KCTD2: variants seen among roughly 807,000 people sequenced by gnomAD.
The protein encoded by KCTD2 is BTB/POZ domain-containing protein KCTD2.
KCTD2 carries 18 observed loss-of-function variants against 27.9 expected under a neutral mutation model. That is an observed-to-expected ratio of 0.64 (90% CI 0.45 to 0.96). The LOEUF is 0.96. Among genes scored for constraint, KCTD2 ranks in the 40% least tolerant of loss-of-function variants. The pLI is 0.00. For synonymous variants in KCTD2, 175 were observed against 148.4 expected (o/e 1.18, Z -1.30); for missense variants, 280 against 348.0 (o/e 0.80, Z 1.56).
chr17:75,051,829 G>C lies in KCTD2; in HGVS notation c.449-1185G>C, dbSNP rs558586270. 3.3e-5 allele frequency among the ~76,000 whole-genome samples: 5 copies of C among 152,242 alleles called. No individual in the cohort carries two copies. The East Asian group carries it at 9.6e-4, about 29-fold the overall frequency. On this transcript the variant is annotated intron_variant, in intron 2 of 5. Transcript: ENST00000322444. ...GCTTTTATCTACAGCTTATATTGCA[G>C]TTTTGTCAGTTGTCCTAATAATGGC... is the stretch of plus-strand genomic sequence containing the variant.
At chr17:75,039,988 G>T in intron 3 of KCTD2, 5 of 1,186,780 alleles carry the variant, frequency 4.2e-6, no homozygotes, top group African/African-American at 1.5e-5. Context: ...CCTTTATATG[G>T]CTGTTAACTC....
chr17:75,050,437 A>G (rs1033100674), intron 2 of KCTD2, among the ~76,000 whole-genome samples: 1 of 151,742 alleles, frequency 6.6e-6, no homozygotes, highest in Non-Finnish European at 1.5e-5. Context: ...AATTTTTTGT[A>G]TTTTTAGTAG....
At position 75,059,584 on chromosome 17, in the gene KCTD2, C is replaced by T. The variant is rs1250592181; in HGVS notation, c.615C>T (p.Ser205=). Residue 205 remains serine, a synonymous_variant, in exon 4 of 6, where the codon TCC becomes TCT. Transcript: ENST00000322444. ...EELTQMVSTM[S]DGWKFEQLIS... The stretch of plus-strand genomic sequence containing the variant: ...TCACGCAGATGGTGTCCACGATGTC[C>T]GACGGCTGGAAATTCGAACAGGTAC... 7 of 1,613,884 alleles carry T rather than the reference C, an allele frequency of 4.3e-6. No individual in the cohort carries two copies. The highest frequency in any genetic ancestry group is 1.6e-4 in the Middle Eastern group (1 of 6,080).
At position 75,065,443 on chromosome 17, in the gene KCTD2, A is replaced by G. The variant is rs996675217; in HGVS notation, c.*2396A>G. The G allele has an allele frequency of 6.6e-6, 1 of 151,768 alleles. No homozygotes were observed. Among genetic ancestry groups the G allele is most frequent in the Non-Finnish European group, 1.5e-5 (1 of 68,010 alleles). The allele number at this position is 151,768 out of a possible 1,614,324, so 9.4% of individuals were successfully genotyped here. Reference sequence around the variant, plus strand: ...GGCTGTCACGTGACCAGTGACCCACACTCTCTGCTGCCCAGTACTGCCAAG... The same window carrying G: ...GGCTGTCACGTGACCAGTGACCCACGCTCTCTGCTGCCCAGTACTGCCAAG... On this transcript the variant is annotated 3_prime_UTR_variant, in exon 6 of 6. Transcript: ENST00000322444.
intron 3 of KCTD2, chr17:75,042,185 T>C: frequency 6.2e-7 from 1 of 1,613,832 alleles, no homozygotes; most frequent in Non-Finnish European, 8.5e-7. Context: ...TCTCACCTTC[T>C]TCTCAAAGTC....
At position 75,063,172 on chromosome 17, in the gene KCTD2, A is replaced by AC; in HGVS notation, c.*125_*126insC. ...GCACAGCTGATCCTGGCCCCCTGTG[A>AC]AGAAGTGTTCTGGTCAAAACTAAAG... On this transcript the variant is annotated 3_prime_UTR_variant, in exon 6 of 6. Coordinates refer to ENST00000322444, the MANE Select transcript of KCTD2 (RefSeq NM_015353.3). 7 of 934,428 alleles carry AC rather than the reference A, an allele frequency of 7.5e-6. No homozygotes were observed. In the South Asian group the frequency reaches 9.5e-5, roughly 13 times the overall value. 57.9% of individuals were successfully genotyped at this position (934,428 alleles called of 1,614,324 possible).
At chr17:75,045,222 G>A (rs1052137267), upstream of KCTD2, among the ~76,000 whole-genome samples, 4 of 152,210 alleles carry the variant, frequency 2.6e-5, no homozygotes, top group Non-Finnish European at 5.9e-5. Flanking sequence ...GTGGGTGACA[G>A]ACATCAAGTA....
chr17:75,041,488 G>A (rs1345371212), intron 3 of KCTD2: 2 of 151,508 alleles, frequency 1.3e-5, no homozygotes, highest in Non-Finnish European at 2.9e-5. Flanking sequence ...ATCAGGTGTG[G>A]TGGTGGCATG....
intron 2 of KCTD2, among the ~76,000 whole-genome samples, chr17:75,051,037 A>G (rs532394237): frequency 1.4e-5 from 2 of 143,300 alleles, no homozygotes; most frequent in East Asian, 4.2e-4. Flanking sequence ...GCAGTGGCGC[A>G]ATCTCGGCTC....
intron 4 of KCTD2, 106 bp from the exon 5 acceptor site, chr17:75,062,014 C>T: frequency 1.5e-6 from 2 of 1,327,530 alleles, no homozygotes; most frequent in Non-Finnish European, 1.1e-6. Flanking sequence ...AGAGTTAAAC[C>T]TTTGATAACT....
chr17:75,036,410 C>G (rs2040114486), intron 3 of KCTD2, among the ~76,000 whole-genome samples: 1 of 152,166 alleles, frequency 6.6e-6, no homozygotes, highest in Non-Finnish European at 1.5e-5. Flanking sequence ...CGTGAGCCAC[C>G]GCGCCCTGCC....
intron 1 of KCTD2, 37 bp from the exon 2 acceptor site, chr17:75,049,183 A>C (rs2073259872): frequency 7.7e-7 from 1 of 1,298,614 alleles, no homozygotes; most frequent in African/African-American, 1.5e-5. Flanking sequence ...AATACTCCTC[A>C]AAGGTCCACA....
intron 3 of KCTD2, chr17:75,039,679 G>A (rs2073138329): frequency 3.7e-6 from 1 of 266,810 alleles, no homozygotes; most frequent in Admixed American, 5.0e-5. Flanking sequence ...TACTACTTGG[G>A]TAATTTTTCT....
chr17:75,045,516 C>T (rs987312426), upstream of KCTD2, among the ~76,000 whole-genome samples: 8 of 152,242 alleles, frequency 5.3e-5, no homozygotes, highest in African/African-American at 1.9e-4. Flanking sequence ...GGGGCCAGTT[C>T]AGAGACCTAC....
Position 75,060,683 on chromosome 17 carries a change from C to G in KCTD2, c.636+1078C>G, listed in dbSNP as rs1598128922. On this transcript the variant is annotated intron_variant, in intron 4 of 5. Transcript: ENST00000322444. ...GGCGCGCGTGCGAGGGCGGGTCAGGCTGCACTCAGGGTCTCGGTCGCCGCC... is the reference window on the plus strand; with the variant it reads ...GGCGCGCGTGCGAGGGCGGGTCAGGGTGCACTCAGGGTCTCGGTCGCCGCC... 5 of 1,404,270 alleles carry G rather than the reference C, an allele frequency of 3.6e-6. No homozygotes were observed. In the East Asian group the frequency reaches 1.0e-4, roughly 28 times the overall value. The allele number at this position is 1,404,270 out of a possible 1,614,324, so 87.0% of individuals were successfully genotyped here.
At chr17:75,033,396 T>G (rs1402389569) in intron 1 of KCTD2, among the ~76,000 whole-genome samples, 2 of 152,132 alleles carry the variant, frequency 1.3e-5, no homozygotes, top group Non-Finnish European at 2.9e-5. Flanking sequence ...ACTTGTAGTA[T>G]CTAGTATATA....
chr17:75,060,100 G>A lies in KCTD2; in HGVS notation c.636+495G>A, dbSNP rs562043678. Among the ~76,000 whole-genome samples the A allele has an allele frequency of 1.6e-4, 24 of 152,236 alleles. 2 individuals carry two copies. In the South Asian group the frequency reaches 5.0e-3, roughly 32 times the overall value. On this transcript the variant is annotated intron_variant, in intron 4 of 5. Transcript: ENST00000322444. ...TTTCCCCTACTTCTCTCCGCCTCGTGCTTACGACTGAGCTATCAAAACAAA... is the reference window on the plus strand; with the variant it reads ...TTTCCCCTACTTCTCTCCGCCTCGTACTTACGACTGAGCTATCAAAACAAA...
chr17:75,039,474 G>C (rs561094053), intron 3 of KCTD2: 11 of 552,592 alleles, frequency 2.0e-5, no homozygotes, highest in Admixed American at 3.1e-5. Flanking sequence ...TGGAAAACCA[G>C]CTTAGGATGG....
intron 3 of KCTD2, among the ~76,000 whole-genome samples, chr17:75,057,085 G>T (rs768933724): frequency 6.6e-6 from 1 of 150,786 alleles, no homozygotes; most frequent in African/African-American, 2.4e-5. Context: ...TTCCCGAGTA[G>T]CTAGATTACA....
Sources: gnomAD v4.1 joint callset for allele counts (sites outside exome capture counted in the v4.1 genomes callset) on GRCh38, gnomAD v4.1.1 for gene constraint, MANE v1.5 for transcripts, NCBI Gene and HGNC (gene_info 2026-07-23, HGNC 2026-07-21) for gene names.